Variants in SHISA9 observed in about 807,000 individuals in gnomAD.
The protein encoded by SHISA9 is protein shisa-9.
Under a neutral mutation model 38.0 loss-of-function variants are expected in SHISA9, and 13 were observed. The observed-to-expected ratio is 0.34, with a 90% CI of 0.22 to 0.54. The LOEUF is 0.54. Ranked by LOEUF, SHISA9 falls within the 20% of genes least tolerant of loss-of-function variation. The pLI, the probability that SHISA9 is intolerant of heterozygous loss-of-function variation, is 0.91. For synonymous variants in SHISA9, 275 were observed against 242.0 expected (o/e 1.14, Z -1.27); for missense variants, 538 against 575.8 (o/e 0.93, Z 0.67).
At chr16:13,508,265 TTAAC>T in the SHISA9 span, among the ~76,000 whole-genome samples, 131 of 152,368 alleles carry the variant, frequency 8.6e-4, no homozygotes, top group Middle Eastern at 0.01. Context: ...CCATGTGTCA[TTAAC>T]TACTCTTCAA....
the SHISA9 span, among the ~76,000 whole-genome samples, chr16:13,552,255 G>C: frequency 1.3e-5 from 2 of 152,146 alleles, no homozygotes; most frequent in Non-Finnish European, 2.9e-5. Context: ...TGAAATTCAT[G>C]AAATCCTCAC....
intron 2 of SHISA9, among the ~76,000 whole-genome samples, chr16:13,140,412 G>T (rs1407677138): frequency 6.6e-6 from 1 of 151,952 alleles, no homozygotes; most frequent in Non-Finnish European, 1.5e-5. Context: ...CCTGACCTCA[G>T]GTGATCCACC....
intron 2 of SHISA9, among the ~76,000 whole-genome samples, chr16:13,193,971 C>A (rs771938420): frequency 2.0e-5 from 3 of 152,186 alleles, no homozygotes; most frequent in Non-Finnish European, 4.4e-5. Context: ...ACAAGAGACT[C>A]CTGCCTCAAG....
At chr16:12,915,995 T>G (rs2017105) in intron 1 of SHISA9, among the ~76,000 whole-genome samples, 7,136 of 94,388 alleles carry the variant, frequency 0.076, 546 homozygotes, top group African/African-American at 0.2. Flanking sequence ...AGTTTTTTTT[T>G]TGTGTGTGTG....
At chr16:13,503,830 A>ATAAT in the SHISA9 span, among the ~76,000 whole-genome samples, 1 of 152,372 alleles carries the variant, frequency 6.6e-6, no homozygotes, top group East Asian at 1.9e-4. Flanking sequence ...TACTATGGGA[A>ATAAT]TAATGAATTG....
chr16:13,150,404 G>A (rs1297237764), intron 2 of SHISA9, among the ~76,000 whole-genome samples: 2 of 152,130 alleles, frequency 1.3e-5, no homozygotes, highest in Admixed American at 6.6e-5. Context: ...ATGTGGTGAC[G>A]TCCATGTCTC....
At chr16:12,905,536 G>A (rs998464282) in intron 1 of SHISA9, among the ~76,000 whole-genome samples, 16 of 151,980 alleles carry the variant, frequency 1.1e-4, no homozygotes, top group African/African-American at 3.6e-4. Flanking sequence ...GGCTGATGGA[G>A]GGATAAATTA....
rs754143677 is a variant in SHISA9 at position 13,238,249 on chromosome 16, A to G, written c.*2840A>G. On this transcript the variant is annotated 3_prime_UTR_variant, in exon 5 of 5. Transcript: ENST00000558583. ...ACTAATAAGATGGACCAAAAAGTAA[A>G]TGAAAGGGGAATCATTTCCTATGCA... 6.6e-6 allele frequency: 1 copy of G among 152,202 alleles called. No homozygotes were observed. Among genetic ancestry groups the G allele is most frequent in the Non-Finnish European group, 1.5e-5 (1 of 68,042 alleles). The allele number at this position is 152,202 out of a possible 1,614,324, so 9.4% of individuals were successfully genotyped here. A position where few individuals can be genotyped will look rare whatever the true frequency, so the allele number is the denominator to read the frequency against.
chr16:13,061,079 G>A (rs2073369939), intron 2 of SHISA9, among the ~76,000 whole-genome samples: 1 of 152,110 alleles, frequency 6.6e-6, no homozygotes, highest in African/African-American at 2.4e-5. Flanking sequence ...CTGGTATACC[G>A]GAAAAGCAGG....
chr16:13,250,661 A>G, the SHISA9 span, among the ~76,000 whole-genome samples: 2 of 152,146 alleles, frequency 1.3e-5, no homozygotes, highest in Non-Finnish European at 2.9e-5. Context: ...GTGCTTATAT[A>G]TATAACAACA....
At position 12,970,422 on chromosome 16, in the gene SHISA9, TATATGTATATATATATACACAC is replaced by T. The variant is rs1483312951; in HGVS notation, c.691+53612_691+53633del. ...ATATATACATATATATATATACACA[TATATGTATATATATATACACAC>T]ATATATATATACATATATGTGTGTG... On this transcript the variant is annotated intron_variant, in intron 2 of 4. Transcript: ENST00000558583. 9.5e-3 allele frequency among the ~76,000 whole-genome samples: 651 copies of T among 68,506 alleles called. 26 individuals carry two copies. Among genetic ancestry groups the T allele is most frequent in the African/African-American group, 0.032 (578 of 18,324 alleles). The allele number at this position is 68,506 out of a possible 152,430, so 44.9% of individuals were successfully genotyped here. A position where few individuals can be genotyped will look rare whatever the true frequency, so the allele number is the denominator to read the frequency against.
At chr16:13,488,760 A>G in the SHISA9 span, among the ~76,000 whole-genome samples, 1 of 152,052 alleles carries the variant, frequency 6.6e-6, no homozygotes, top group Non-Finnish European at 1.5e-5. Context: ...TTTATTTTTA[A>G]TTTTAATTTT....
At chr16:13,133,761 A>T (rs1213227819) in intron 2 of SHISA9, among the ~76,000 whole-genome samples, 2 of 152,186 alleles carry the variant, frequency 1.3e-5, no homozygotes, top group Non-Finnish European at 2.9e-5. Context: ...CAATTGCTAC[A>T]TCTTCATCAC....
chr16:13,198,340 A>G (rs995344784), intron 2 of SHISA9, among the ~76,000 whole-genome samples: 10 of 149,658 alleles, frequency 6.7e-5, no homozygotes, highest in African/African-American at 1.7e-4. Context: ...ACTTGTGTGT[A>G]TATGCATACA....
intron 2 of SHISA9, among the ~76,000 whole-genome samples, chr16:13,168,342 C>G (rs1295852234): frequency 6.6e-6 from 1 of 152,246 alleles, no homozygotes; most frequent in African/African-American, 2.4e-5. Context: ...CCTACACAAA[C>G]TCTGCCACAC....
At chr16:13,100,921 C>T (rs941312453) in intron 2 of SHISA9, among the ~76,000 whole-genome samples, 1 of 152,112 alleles carries the variant, frequency 6.6e-6, no homozygotes, top group Non-Finnish European at 1.5e-5. Flanking sequence ...TGGTCAAACT[C>T]CTGACCTCAG....
intron 2 of SHISA9, among the ~76,000 whole-genome samples, chr16:13,141,285 C>T (rs2050399458): frequency 6.6e-6 from 1 of 152,106 alleles, no homozygotes; most frequent in South Asian, 2.1e-4. Context: ...TAAATTCAGA[C>T]TTGCCTATTA....
chr16:12,916,494 C>T (rs766924629), intron 1 of SHISA9, among the ~76,000 whole-genome samples, 194 bp from the exon 2 acceptor site: 17 of 152,154 alleles, frequency 1.1e-4, no homozygotes, highest in African/African-American at 2.2e-4. Flanking sequence ...CAGTAGCCTG[C>T]GTAAAGTCCC....
At chr16:13,535,950 C>T in the SHISA9 span, among the ~76,000 whole-genome samples, 1 of 152,060 alleles carries the variant, frequency 6.6e-6, no homozygotes, top group Non-Finnish European at 1.5e-5. Flanking sequence ...TTGTACTGTT[C>T]GTCCAATAGA....
Sources: gnomAD v4.1 joint callset for allele counts (sites outside exome capture counted in the v4.1 genomes callset) on GRCh38, gnomAD v4.1.1 for gene constraint, MANE v1.5 for transcripts, NCBI Gene and HGNC (gene_info 2026-07-23, HGNC 2026-07-21) for gene names.